CDON: variants seen among roughly 807,000 people sequenced by gnomAD.
The protein encoded by CDON is cell adhesion molecule-related/down-regulated by oncogenes.
In CDON, 73 loss-of-function variants were observed where a neutral mutation model predicts 120.9. The ratio of observed to expected loss-of-function variants is 0.60; its 90% CI spans 0.50 to 0.73. CDON has a LOEUF of 0.73. Ranked by LOEUF, CDON falls within the 30% of genes least tolerant of loss-of-function variation. The pLI is 0.00. For synonymous variants in CDON, 566 were observed against 573.5 expected, an observed-to-expected ratio of 0.99 and a Z score of 0.19; for missense variants, 1,470 against 1,587.3, an observed-to-expected ratio of 0.93 and a Z score of 1.26.
chr11:125,960,664 A>G lies in CDON; in HGVS notation c.*278T>C, dbSNP rs73628538. 18,407 of 439,518 alleles carry G rather than the reference A, an allele frequency of 0.042. 516 individuals are homozygous for G. The highest frequency in any genetic ancestry group is 0.08 in the African/African-American group (4,018 of 50,106). 27.2% of individuals were successfully genotyped at this position (439,518 alleles called of 1,614,324 possible). ...GCTGTCACTATAGCTGTTAGAAAAC[A>G]TGGAAGGACCCCTCTGCCCTCCAGG... On this transcript the variant is annotated 3_prime_UTR_variant, in exon 20 of 20. Coordinates refer to ENST00000531738, the MANE Select transcript of CDON (RefSeq NM_001378964.1).
intron 16 of CDON, among the ~76,000 whole-genome samples, chr11:125,981,965 A>ATTTTTTTTTTTTTTTTT (rs1591562448): frequency 2.9e-5 from 1 of 34,428 alleles, no homozygotes; most frequent in African/African-American, 8.2e-5. Context: ...AAGTGATTCT[A>ATTTTTTTTTTTTTTTTT]TTTTCTTTTT....
Position 125,981,173 on chromosome 11 carries a change from T to C in CDON, c.3152A>G (p.His1051Arg). Residue 1051 changes from histidine to arginine, a missense_variant, in exon 17 of 20, where the codon CAT (histidine) becomes CGT (arginine). Physicochemically the swap from His to Arg is conservative, Grantham distance 29. Coordinates refer to ENST00000531738, the MANE Select transcript of CDON (RefSeq NM_001378964.1). ...GLSSGYSHLH[H>R]KVPNAVNGIV... ...TCCATTGACTGCATTGGGGACCTTA[T>C]GGTGAAGGTGGGAATAGCCACTGCT... 3 of 1,614,188 alleles carry C rather than the reference T, an allele frequency of 1.9e-6. No individual in the cohort carries two copies. The South Asian group carries it at 3.3e-5, about 18-fold the overall frequency.
intron 11 of CDON, 93 bp from the exon 12 acceptor site, chr11:125,997,503 A>G (rs1946824041): frequency 9.9e-7 from 1 of 1,006,136 alleles, no homozygotes; most frequent in Non-Finnish European, 1.5e-6. Context: ...ACTTCATGTT[A>G]TTAAAGGTTC....
chr11:125,984,226 C>T, intron 15 of CDON, 133 bp from the exon 16 acceptor site: 1 of 698,806 alleles, frequency 1.4e-6, no homozygotes, highest in Non-Finnish European at 2.5e-6. Context: ...GACCTGACCA[C>T]CAATGAGTCA....
chr11:125,975,752 G>A (rs1565496838), intron 18 of CDON, among the ~76,000 whole-genome samples: 1 of 152,190 alleles, frequency 6.6e-6, no homozygotes, highest in Non-Finnish European at 1.5e-5. Context: ...TTCAAGTGAT[G>A]CACGCTAAAG....
chr11:126,058,145 G>C (rs1377296985), intron 1 of CDON, among the ~76,000 whole-genome samples: 4 of 152,138 alleles, frequency 2.6e-5, no homozygotes, highest in African/African-American at 9.7e-5. Context: ...ACAGTTCCAA[G>C]TAACAAAACA....
chr11:126,061,682 GAGCTTTTAGTCCAACCTCC>G (rs1948800027), intron 1 of CDON, among the ~76,000 whole-genome samples: 1 of 152,202 alleles, frequency 6.6e-6, no homozygotes, highest in Non-Finnish European at 1.5e-5. Context: ...AATCTCATGT[GAGCTTTTAGTCCAACCTCC>G]TGTTTTTCAA....
At chr11:126,014,789 T>G (rs1041032198) in intron 7 of CDON, 1 of 157,522 alleles carries the variant, frequency 6.3e-6, no homozygotes, top group Non-Finnish European at 1.4e-5. Flanking sequence ...GTAAAAAATT[T>G]ATGGTAAAGA....
At chr11:125,964,786 C>G (rs1945743224) in intron 18 of CDON, among the ~76,000 whole-genome samples, 1 of 152,140 alleles carries the variant, frequency 6.6e-6, no homozygotes, top group Non-Finnish European at 1.5e-5. Flanking sequence ...TTGCATCAGA[C>G]TCAATCATCT....
intron 2 of CDON, among the ~76,000 whole-genome samples, chr11:126,022,101 C>CAAAAAAAA (rs56788784): frequency 9.4e-4 from 53 of 56,340 alleles, no homozygotes; most frequent in East Asian, 1.7e-3. Flanking sequence ...GACCCTGCTT[C>CAAAAAAAA]AAAAAAAAAA....
intron 18 of CDON, among the ~76,000 whole-genome samples, chr11:125,968,562 C>A (rs1423268529): frequency 1.3e-5 from 2 of 152,162 alleles, no homozygotes; most frequent in African/African-American, 4.8e-5. Flanking sequence ...AGATATTTAG[C>A]AAGAGAGAAG....
rs1437685247 is a variant in CDON at position 125,994,919 on chromosome 11, A to C, written c.2496T>G (p.Ile832Met). 21 of 1,614,044 alleles carry C rather than the reference A, an allele frequency of 1.3e-5. No individual in the cohort carries two copies. Among genetic ancestry groups the C allele is most frequent in the Non-Finnish European group, 1.6e-5 (19 of 1,180,016 alleles). ...FSSRPITGPHIAYTEAVSDTQ... is the reference protein window; with the variant it reads ...FSSRPITGPHMAYTEAVSDTQ... ...TATCGCTGACAGCCTCTGTGTATGCAATGTGAGGTCCAGTTATTGGACGGC... is the reference window on the plus strand; with the variant it reads ...TATCGCTGACAGCCTCTGTGTATGCCATGTGAGGTCCAGTTATTGGACGGC... The change falls in exon 13 of 20, where the codon ATT becomes ATG. Residue 832 changes from isoleucine (I) to methionine (M), a missense_variant. Physicochemically the swap from Ile to Met is conservative, Grantham distance 10 (BLOSUM62 1). Coordinates refer to ENST00000531738, the MANE Select transcript of CDON (RefSeq NM_001378964.1).
At chr11:125,986,751 G>A (rs1398131784) in intron 15 of CDON, among the ~76,000 whole-genome samples, 1 of 148,032 alleles carries the variant, frequency 6.8e-6, no homozygotes, top group East Asian at 1.9e-4. Flanking sequence ...GGGCGACAGA[G>A]TGAGACTCCA....
chr11:126,015,373 C>CAG lies in CDON; in HGVS notation c.1064_1065dup (p.Ala356LeufsTer5). 6.2e-7 allele frequency: 1 copy of CAG among 1,614,148 alleles called. No homozygotes were observed. The highest frequency in any genetic ancestry group is 8.5e-7 in the Non-Finnish European group (1 of 1,180,030). ...CCGTTTCCTGCAGTTAGATGTCGTG[C>CAG]AGAAGGATGAATAGGCTGTGCATTG... On this transcript the variant is annotated frameshift_variant, in exon 7 of 20. Coordinates refer to ENST00000531738, the MANE Select transcript of CDON (RefSeq NM_001378964.1). LOFTEE classifies it high-confidence loss of function.
intron 1 of CDON, among the ~76,000 whole-genome samples, chr11:126,055,117 G>A (rs190447455): frequency 6.6e-6 from 1 of 152,304 alleles, no homozygotes; most frequent in African/African-American, 2.4e-5. Context: ...CAGGCAAAAT[G>A]TAAGAAAAAT....
chr11:125,994,430 A>ACG (rs1946720989), intron 13 of CDON, 41 bp from the exon 14 acceptor site: 3 of 1,092,602 alleles, frequency 2.7e-6, no homozygotes, highest in Non-Finnish European at 2.8e-6. Flanking sequence ...AGAAAAATTA[A>ACG]TGTAACCTTC....
At chr11:126,028,523 T>C (rs1947858592) in intron 1 of CDON, among the ~76,000 whole-genome samples, 1 of 151,976 alleles carries the variant, frequency 6.6e-6, no homozygotes, top group Non-Finnish European at 1.5e-5. Context: ...CCAACATGCC[T>C]GGTTAATTTT....
Position 125,997,263 on chromosome 11 carries a change from G to A in CDON, c.2306C>T (p.Ala769Val), listed in dbSNP as rs543354699. ...TTTGGAAGGAGGGATGTCTTCAGCTGCCACCAGCCAATTGCTGGTCCTCAT... is the reference window on the plus strand; with the variant it reads ...TTTGGAAGGAGGGATGTCTTCAGCTACCACCAGCCAATTGCTGGTCCTCAT... ...KRMRTSNWLV[A>V]AEDIPPSKLS... The change falls in exon 12 of 20, where the codon GCA becomes GTA. Residue 769 changes from alanine to valine, a missense_variant. Physicochemically the swap from Ala to Val is moderately conservative, Grantham distance 64. Coordinates refer to ENST00000531738, the MANE Select transcript of CDON (RefSeq NM_001378964.1). 90 of 1,614,050 alleles carry A rather than the reference G, an allele frequency of 5.6e-5. 3 individuals carry two copies. In the South Asian group the frequency reaches 9.9e-4, roughly 18 times the overall value.
intron 7 of CDON, chr11:126,014,711 A>T (rs1947409662): frequency 6.5e-6 from 1 of 154,834 alleles, no homozygotes; most frequent in African/African-American, 2.4e-5. Context: ...ACCACTAAGC[A>T]GCAACTTTTT....
Sources: gnomAD v4.1 joint callset for allele counts (sites outside exome capture counted in the v4.1 genomes callset) on GRCh38, gnomAD v4.1.1 for gene constraint, MANE v1.5 for transcripts, NCBI Gene and HGNC (gene_info 2026-07-23, HGNC 2026-07-21) for gene names.